SLC25A44: variants seen among roughly 807,000 people sequenced by gnomAD.
SLC25A44 encodes the protein solute carrier family 25 member 44.
A neutral mutation model predicts 29.9 loss-of-function variants in SLC25A44; 17 were observed. The ratio of observed to expected loss-of-function variants is 0.57; its 90% CI spans 0.39 to 0.85. The LOEUF (loss-of-function observed/expected upper bound fraction) is 0.85, where lower values mean the gene tolerates loss of function less well. Ranked by LOEUF, SLC25A44 falls within the 40% of genes least tolerant of loss-of-function variation. The pLI is 0.00. For missense variants in SLC25A44, 302 were observed against 398.4 expected (o/e 0.76, Z 2.06); for synonymous variants, 140 against 151.8 (o/e 0.92, Z 0.57).
At chr1:156,201,782 C>T (rs1023553136) in intron 2 of SLC25A44, among the ~76,000 whole-genome samples, 2 of 152,094 alleles carry the variant, frequency 1.3e-5, no homozygotes, top group Admixed American at 6.6e-5. Context: ...GGACTCTACC[C>T]TGACCCTTTA....
intron 3 of SLC25A44, 76 bp from the exon 4 acceptor site, chr1:156,210,164 A>C: frequency 9.2e-7 from 1 of 1,082,344 alleles, no homozygotes; most frequent in Non-Finnish European, 1.3e-6. Context: ...TCCCCACTTT[A>C]GCCTAAGGCA....
intron 3 of SLC25A44, among the ~76,000 whole-genome samples, 198 bp downstream of exon 3, chr1:156,208,211 G>C (rs977872400): frequency 6.6e-6 from 1 of 152,212 alleles, no homozygotes; most frequent in African/African-American, 2.4e-5. Context: ...GCTCACGCCT[G>C]TAATCCCAGC....
intron 1 of SLC25A44, among the ~76,000 whole-genome samples, chr1:156,195,850 A>G (rs1485261658): frequency 6.6e-6 from 1 of 152,216 alleles, no homozygotes; most frequent in Non-Finnish European, 1.5e-5. Flanking sequence ...GTCCCATGTG[A>G]ATTTTCTGGT....
intron 3 of SLC25A44, among the ~76,000 whole-genome samples, chr1:156,209,451 G>T (rs1482299745): frequency 2.0e-5 from 3 of 152,184 alleles, no homozygotes; most frequent in Non-Finnish European, 4.4e-5. Flanking sequence ...CTTAGCCATG[G>T]CTGGGATACC....
intron 1 of SLC25A44, 155 bp from the exon 2 acceptor site, chr1:156,199,680 G>T (rs1656427006): frequency 1.6e-6 from 1 of 626,346 alleles, no homozygotes; most frequent in African/African-American, 1.8e-5. Flanking sequence ...CTCAAGTGGG[G>T]ATTGACAGAG....
At chr1:156,197,122 C>T (rs1656258761) in intron 1 of SLC25A44, 1 of 152,206 alleles carries the variant, frequency 6.6e-6, no homozygotes, top group Non-Finnish European at 1.5e-5. Context: ...TCTGTATCTT[C>T]TCACTTCTCA....
intron 1 of SLC25A44, among the ~76,000 whole-genome samples, chr1:156,194,727 T>C (rs1420309000): frequency 6.6e-6 from 1 of 152,154 alleles, no homozygotes; most frequent in Non-Finnish European, 1.5e-5. Flanking sequence ...TTCACGTTCA[T>C]GTGGTAGATA....
At chr1:156,206,767 A>T (rs959228300) in intron 2 of SLC25A44, among the ~76,000 whole-genome samples, 3 of 152,146 alleles carry the variant, frequency 2.0e-5, no homozygotes, top group Admixed American at 6.5e-5. Context: ...TCCTGGGCTC[A>T]GGTGATCCAC....
At chr1:156,199,752 G>A (rs2103035448) in intron 1 of SLC25A44, 83 bp from the exon 2 acceptor site, 1 of 1,201,932 alleles carries the variant, frequency 8.3e-7, no homozygotes, top group South Asian at 1.4e-5. Flanking sequence ...GGCTGAGAAT[G>A]GGCCTTCAGA....
chr1:156,203,752 G>A (rs1341097166), intron 2 of SLC25A44, among the ~76,000 whole-genome samples: 1 of 130,662 alleles, frequency 7.7e-6, no homozygotes, highest in Non-Finnish European at 1.5e-5. Context: ...TGCCTAGGCT[G>A]GAGTGCAGTG....
At chr1:156,201,290 G>A (rs1182769521) in intron 2 of SLC25A44, among the ~76,000 whole-genome samples, 1 of 152,154 alleles carries the variant, frequency 6.6e-6, no homozygotes, top group Non-Finnish European at 1.5e-5. Context: ...TAAACATACT[G>A]CCAGATTGCC....
At chr1:156,210,147 C>A in intron 3 of SLC25A44, 93 bp from the exon 4 acceptor site, 1 of 885,114 alleles carries the variant, frequency 1.1e-6, no homozygotes, top group Non-Finnish European at 1.7e-6. Context: ...ACGTCGGAGT[C>A]TGGTTCTCCC....
intron 2 of SLC25A44, among the ~76,000 whole-genome samples, chr1:156,204,582 G>A (rs1369411228): frequency 6.6e-6 from 1 of 151,888 alleles, no homozygotes; most frequent in Non-Finnish European, 1.5e-5. Flanking sequence ...CACCTCCCAG[G>A]TTCAAGCAAT....
chr1:156,207,230 T>C (rs983420366), intron 2 of SLC25A44, among the ~76,000 whole-genome samples: 1 of 149,714 alleles, frequency 6.7e-6, no homozygotes, highest in African/African-American at 2.5e-5. Flanking sequence ...CAGGCTGGAG[T>C]GCAGTGGCGC....
At position 156,210,306 on chromosome 1, in the gene SLC25A44, C is replaced by T. The variant is rs1279474776; in HGVS notation, c.820C>T (p.Leu274Phe). The T allele has an allele frequency of 9.3e-6, 15 of 1,606,542 alleles. No individual in the cohort carries two copies. The highest frequency in any genetic ancestry group is 1.3e-5 in the Non-Finnish European group (15 of 1,176,674). Residue 274 changes from leucine to phenylalanine, a missense_variant, in exon 4 of 4, where the codon CTC (leucine) becomes TTC (phenylalanine). Physicochemically the swap from Leu to Phe is conservative, Grantham distance 22. Coordinates refer to ENST00000359511, the MANE Select transcript of SLC25A44 (RefSeq NM_014655.4). ...QLMAEEGPWGLMKGLSARIIS... is the reference protein window; with the variant it reads ...QLMAEEGPWGFMKGLSARIIS... ...GATGGCAGAAGAAGGGCCTTGGGGC[C>T]TCATGAAGGGCCTCTCGGCCAGAAT...
intron 2 of SLC25A44, among the ~76,000 whole-genome samples, chr1:156,202,904 C>T (rs1383283688): frequency 2.0e-5 from 3 of 152,212 alleles, no homozygotes; most frequent in African/African-American, 7.2e-5. Context: ...CGTTTCTGTT[C>T]ACTATTGTAC....
Position 156,211,664 on chromosome 1 carries a change from A to G in SLC25A44, c.*1233A>G, listed in dbSNP as rs961233726. On this transcript the variant is annotated 3_prime_UTR_variant, in exon 4 of 4. Transcript: ENST00000359511. ...AGTCACCCAATACCAGGACCACTGC[A>G]TTTACCAGCCTGATACTGCCAAGAT... 4.6e-5 allele frequency: 7 copies of G among 152,746 alleles called. No homozygotes were observed. Among genetic ancestry groups the G allele is most frequent in the Non-Finnish European group, 5.9e-5 (4 of 68,052 alleles). The allele number at this position is 152,746 out of a possible 1,614,324, so 9.5% of individuals were successfully genotyped here.
intron 1 of SLC25A44, among the ~76,000 whole-genome samples, chr1:156,195,204 C>A (rs1656132423): frequency 6.6e-6 from 1 of 151,858 alleles, no homozygotes; most frequent in Non-Finnish European, 1.5e-5. Flanking sequence ...TCCGGGTTCA[C>A]ACCATTCTCC....
Position 156,207,899 on chromosome 1 carries a change from C to T in SLC25A44, c.639C>T (p.Tyr213=). The T allele has an allele frequency of 6.2e-7, 1 of 1,613,996 alleles. No individual in the cohort carries two copies. The highest frequency in any genetic ancestry group is 8.5e-7 in the Non-Finnish European group (1 of 1,179,924). Residue 213 remains tyrosine (Y), a synonymous_variant, in exon 3 of 4, where the codon TAC becomes TAT. Coordinates refer to ENST00000359511, the MANE Select transcript of SLC25A44 (RefSeq NM_014655.4). The part of the protein sequence containing the change: ...FYHFYAEQLS[Y]LCPKECPHIV... ...CCTGGATTCCAGAGCAGCTCTCCTA[C>T]CTGTGTCCTAAGGAGTGCCCTCACA... is the stretch of plus-strand genomic sequence containing the variant.
Sources: allele counts gnomAD v4.1 joint callset (sites outside exome capture counted in the v4.1 genomes callset), GRCh38; gene constraint gnomAD v4.1.1; transcripts MANE v1.5; gene names NCBI Gene and HGNC (gene_info 2026-07-23, HGNC 2026-07-21).